The following DOK6 variants were observed in gnomAD, a reference collection of about 807,000 sequenced individuals.
DOK6 encodes downstream of tyrosine kinase 6.
In DOK6, 22 loss-of-function variants were observed where a neutral mutation model predicts 44.0. The ratio of observed to expected loss-of-function variants is 0.50; its 90% CI spans 0.36 to 0.71. The LOEUF (loss-of-function observed/expected upper bound fraction) is 0.71, where lower values mean the gene tolerates loss of function less well. DOK6 is among the 30% of genes least tolerant of loss of function. The pLI is 0.00. For missense variants in DOK6, 340 were observed against 416.4 expected (o/e 0.82, Z 1.60); for synonymous variants, 166 against 145.5 (o/e 1.14, Z -1.01).
At chr18:69,591,830 C>T (rs952484993) in intron 2 of DOK6, among the ~76,000 whole-genome samples, 1 of 151,900 alleles carries the variant, frequency 6.6e-6, no homozygotes, top group African/African-American at 2.4e-5. Context: ...ATTTGCTGAG[C>T]TTAGAGAAAG....
chr18:69,774,133 G>GATATATATATATATGAGATATATAT (rs1979980198), intron 7 of DOK6, among the ~76,000 whole-genome samples: 8 of 66,866 alleles, frequency 1.2e-4, no homozygotes, highest in South Asian at 7.1e-4. Context: ...ATATATATGA[G>GATATATATATATATGAGATATATAT]ATATATATAT....
At chr18:69,642,744 G>A (rs28664822) in intron 3 of DOK6, among the ~76,000 whole-genome samples, 7,036 of 152,216 alleles carry the variant, frequency 0.046, 199 homozygotes, top group Middle Eastern at 0.088. Flanking sequence ...CTCACAGCCT[G>A]ACACGAGAAG....
intron 6 of DOK6, among the ~76,000 whole-genome samples, chr18:69,739,576 TGG>T (rs1377195267): frequency 4.6e-5 from 7 of 152,248 alleles, no homozygotes; most frequent in African/African-American, 1.7e-4. Context: ...GAGGTTATGC[TGG>T]TTGACAATAG....
rs200575214 is a variant in DOK6, at chr18:69,513,119, G to C, written c.67-51368G>C. ...ATCTATACTTAAAATAACAAAGCTC[G>C]TTCACTAAATGTAATGCATGTTAGT... On this transcript the variant is annotated intron_variant, in intron 1 of 7. Transcript: ENST00000382713. 9.2e-5 allele frequency among the ~76,000 whole-genome samples: 14 copies of C among 152,104 alleles called. No individual in the cohort carries two copies. In the East Asian group the frequency reaches 2.5e-3, roughly 27 times the overall value.
intron 7 of DOK6, among the ~76,000 whole-genome samples, chr18:69,831,994 T>G (rs74328578): frequency 1.8e-3 from 281 of 152,276 alleles, no homozygotes; most frequent in African/African-American, 6.4e-3. Context: ...CAAGGATAAT[T>G]TGACTTCTTT....
chr18:69,659,676 A>G (rs1029644567), intron 3 of DOK6, among the ~76,000 whole-genome samples: 5 of 152,028 alleles, frequency 3.3e-5, no homozygotes, highest in Admixed American at 3.3e-4. Context: ...TGTCTTGGAA[A>G]GGGGCTAAAA....
chr18:69,774,139 T>TATATATATATATATATATATAG lies in DOK6; in HGVS notation c.856+16283_856+16284insTATAGATATATATATATATATA, dbSNP rs1568122499. On this transcript the variant is annotated intron_variant, in intron 7 of 7. Coordinates refer to ENST00000382713, the MANE Select transcript of DOK6 (RefSeq NM_152721.6). ...TATATAGATATATATATGAGATATA[T>TATATATATATATATATATATAG]ATATATATATATATATAATGTAATA... is the stretch of plus-strand genomic sequence containing the variant. Among the ~76,000 whole-genome samples the TATATATATATATATATATATAG allele has an allele frequency of 4.2e-5, 5 of 119,878 alleles. 1 individual carries two copies. The highest frequency in any genetic ancestry group is 1.8e-4 in the African/African-American group (5 of 27,592). 78.6% of individuals were successfully genotyped at this position (119,878 alleles called of 152,430 possible).
In DOK6 at chr18:69,517,103, C is replaced by T. The variant is rs148585692; in HGVS notation, c.67-47384C>T. Reference sequence around the variant, plus strand: ...ATTTTTGAATCTATTTCTCACAGTTCCGTTTGTGGATATGAACTCATAGGA... The same window carrying T: ...ATTTTTGAATCTATTTCTCACAGTTTCGTTTGTGGATATGAACTCATAGGA... On this transcript the variant is annotated intron_variant, in intron 1 of 7. Coordinates refer to ENST00000382713, the MANE Select transcript of DOK6 (RefSeq NM_152721.6). Among the ~76,000 whole-genome samples the T allele has an allele frequency of 5.9e-5, 9 of 152,178 alleles. No homozygotes were observed. In the East Asian group the frequency reaches 1.4e-3, roughly 23 times the overall value.
chr18:69,709,350 C>T (rs899777631), intron 5 of DOK6, among the ~76,000 whole-genome samples: 10 of 152,104 alleles, frequency 6.6e-5, no homozygotes, highest in African/African-American at 2.4e-4. Context: ...CATTCTTAGT[C>T]AAATAGATTA....
intron 5 of DOK6, among the ~76,000 whole-genome samples, chr18:69,735,865 G>A (rs2144735202): frequency 6.6e-6 from 1 of 152,364 alleles, no homozygotes; most frequent in African/African-American, 2.4e-5. Context: ...TAGGAATGGA[G>A]AATGTGCAGG....
chr18:69,811,569 TATATATATCAAA>T (rs1456173753), intron 7 of DOK6, among the ~76,000 whole-genome samples: 4 of 15,456 alleles, frequency 2.6e-4, no homozygotes, highest in African/African-American at 4.2e-4. Context: ...TATATATATA[TATATATATCAAA>T]ACACTACGTT....
At chr18:69,438,295 A>AT (rs1405266157) in intron 1 of DOK6, among the ~76,000 whole-genome samples, 3 of 152,248 alleles carry the variant, frequency 2.0e-5, no homozygotes, top group Admixed American at 2.0e-4. Context: ...CCATGTTCAC[A>AT]GCATCTTCAT....
chr18:69,446,489 C>T (rs1342600966), intron 1 of DOK6, among the ~76,000 whole-genome samples: 1 of 152,020 alleles, frequency 6.6e-6, no homozygotes, highest in East Asian at 1.9e-4. Context: ...CAAGTCTTTG[C>T]TATTGTGAGT....
At chr18:69,595,010 T>C (rs2144619261) in intron 2 of DOK6, among the ~76,000 whole-genome samples, 1 of 152,162 alleles carries the variant, frequency 6.6e-6, no homozygotes, top group South Asian at 2.1e-4. Context: ...TCATTTACAA[T>C]ACCTCAAAAA....
intron 4 of DOK6, among the ~76,000 whole-genome samples, chr18:69,686,416 A>C (rs535608003): frequency 6.6e-6 from 1 of 152,300 alleles, no homozygotes; most frequent in African/African-American, 2.4e-5. Context: ...CTTGAGATAG[A>C]TATTTCAATA....
At chr18:69,579,097 T>C (rs1317840305) in intron 2 of DOK6, among the ~76,000 whole-genome samples, 1 of 152,202 alleles carries the variant, frequency 6.6e-6, no homozygotes, top group African/African-American at 2.4e-5. Context: ...CTGGGGGTTT[T>C]GAGACAGTGA....
At chr18:69,457,161 T>A (rs1158810456) in intron 1 of DOK6, among the ~76,000 whole-genome samples, 1 of 152,182 alleles carries the variant, frequency 6.6e-6, no homozygotes, top group East Asian at 1.9e-4. Context: ...AATTAGGTCC[T>A]ACTTGTCAAT....
At chr18:69,648,708 A>G (rs546337390) in intron 3 of DOK6, among the ~76,000 whole-genome samples, 1 of 152,336 alleles carries the variant, frequency 6.6e-6, no homozygotes, top group African/African-American at 2.4e-5. Flanking sequence ...TGCTTTGGCT[A>G]CGTGCCAATG....
At chr18:69,437,935 G>A (rs900117558) in intron 1 of DOK6, among the ~76,000 whole-genome samples, 6 of 152,150 alleles carry the variant, frequency 3.9e-5, no homozygotes, top group African/African-American at 1.4e-4. Context: ...ATATCATTGT[G>A]TCTGAAAAAC....
Sources: allele counts gnomAD v4.1 joint callset (sites outside exome capture counted in the v4.1 genomes callset), GRCh38; gene constraint gnomAD v4.1.1; transcripts MANE v1.5; gene names NCBI Gene and HGNC (gene_info 2026-07-23, HGNC 2026-07-21).